ADAMTS12: variants seen among roughly 807,000 people sequenced by gnomAD.
ADAMTS12 encodes ADAM metallopeptidase with thrombospondin type 1 motif 12.
ADAMTS12 carries 118 observed loss-of-function variants against 167.8 expected under a neutral mutation model. The ratio of observed to expected loss-of-function variants is 0.70; its 90% CI spans 0.61 to 0.82. The LOEUF is 0.82. Among genes scored for constraint, ADAMTS12 ranks in the 40% least tolerant of loss-of-function variants. The pLI, the probability that ADAMTS12 is intolerant of heterozygous loss-of-function variation, is 0.00. For missense variants in ADAMTS12, 1,916 were observed against 1,998.8 expected, an observed-to-expected ratio of 0.96 and a Z score of 0.79; for synonymous variants, 704 against 716.9, an observed-to-expected ratio of 0.98 and a Z score of 0.29.
intron 5 of ADAMTS12, among the ~76,000 whole-genome samples, chr5:33,677,416 C>G (rs555714297): frequency 1.3e-5 from 2 of 152,186 alleles, no homozygotes; most frequent in African/African-American, 4.8e-5. Context: ...AACAACCTAC[C>G]AAAATTATAT....
intron 3 of ADAMTS12, among the ~76,000 whole-genome samples, chr5:33,684,977 T>C (rs1189831800): frequency 3.3e-5 from 5 of 152,142 alleles, no homozygotes; most frequent in Non-Finnish European, 5.9e-5. Context: ...GGAAGTCAAG[T>C]GTAAAAAGTT....
chr5:33,776,885 C>T (rs1367586876), intron 2 of ADAMTS12, among the ~76,000 whole-genome samples: 1 of 151,996 alleles, frequency 6.6e-6, no homozygotes, highest in African/African-American at 2.4e-5. Flanking sequence ...TCATAACAGA[C>T]TACTATAAAC....
chr5:33,698,655 A>G (rs917516109), intron 3 of ADAMTS12, among the ~76,000 whole-genome samples: 1 of 77,974 alleles, frequency 1.3e-5, no homozygotes, highest in African/African-American at 4.8e-5. Context: ...GCTTAAGTTA[A>G]GCACAGGTGC....
chr5:33,615,421 T>C (rs1455352051), intron 15 of ADAMTS12, among the ~76,000 whole-genome samples: 2 of 152,230 alleles, frequency 1.3e-5, no homozygotes, highest in Non-Finnish European at 2.9e-5. Flanking sequence ...TGTTGTATTC[T>C]AACTCCTCCT....
intron 10 of ADAMTS12, among the ~76,000 whole-genome samples, chr5:33,642,486 TTAGGAAG>T (rs1243579407): frequency 1.3e-5 from 2 of 152,150 alleles, no homozygotes; most frequent in Non-Finnish European, 2.9e-5. Context: ...ACACTAGCTG[TTAGGAAG>T]TTCTTCATTA....
intron 3 of ADAMTS12, among the ~76,000 whole-genome samples, chr5:33,685,862 C>CATT (rs1297982326): frequency 6.6e-6 from 1 of 152,110 alleles, no homozygotes. Context: ...CCCCCTCCCT[C>CATT]ATTGCCCCAT....
intron 3 of ADAMTS12, among the ~76,000 whole-genome samples, chr5:33,733,635 C>G (rs1744270571): frequency 6.6e-6 from 1 of 152,196 alleles, no homozygotes; most frequent in Non-Finnish European, 1.5e-5. Context: ...GGTCCTTATA[C>G]TCCAAACAAA....
intron 2 of ADAMTS12, among the ~76,000 whole-genome samples, chr5:33,843,055 A>G (rs570379289): frequency 6.6e-6 from 1 of 152,290 alleles, no homozygotes; most frequent in South Asian, 2.1e-4. Flanking sequence ...CCAGACAAAC[A>G]TGGTGCCCTT....
intron 21 of ADAMTS12, among the ~76,000 whole-genome samples, chr5:33,547,989 G>T (rs939045555): frequency 9.2e-5 from 14 of 152,296 alleles, no homozygotes; most frequent in African/African-American, 3.4e-4. Context: ...ATGAAGAGGG[G>T]ACAGTGGTGG....
At chr5:33,612,192 G>A (rs1383793422) in intron 16 of ADAMTS12, among the ~76,000 whole-genome samples, 3 of 152,192 alleles carry the variant, frequency 2.0e-5, no homozygotes, top group African/African-American at 4.8e-5. Flanking sequence ...AAACAGTGTG[G>A]CTGAAGTTCA....
At chr5:33,544,624 A>G (rs1314212591) in intron 22 of ADAMTS12, among the ~76,000 whole-genome samples, 7 of 152,226 alleles carry the variant, frequency 4.6e-5, no homozygotes, top group African/African-American at 1.7e-4. Flanking sequence ...CTACAAGGCT[A>G]CAGTAACCAA....
intron 3 of ADAMTS12, among the ~76,000 whole-genome samples, chr5:33,746,810 G>T (rs1283811490): frequency 6.6e-6 from 1 of 152,186 alleles, no homozygotes; most frequent in African/African-American, 2.4e-5. Flanking sequence ...AATGTAGCAG[G>T]CCTGATTTAA....
Position 33,546,556 on chromosome 5 carries a change from T to A in ADAMTS12, c.4303-354A>T, listed in dbSNP as rs547408999. Among the ~76,000 whole-genome samples the A allele has an allele frequency of 9.8e-5, 15 of 152,348 alleles. No homozygotes were observed. In the South Asian group the frequency reaches 3.1e-3, roughly 32 times the overall value. Reference sequence around the variant, plus strand: ...GGCACACATTTGCAATACAATTTTGTTTGCCTCCTATTAAAATGAGATTTA... The same window carrying A: ...GGCACACATTTGCAATACAATTTTGATTGCCTCCTATTAAAATGAGATTTA... On this transcript the variant is annotated intron_variant, in intron 21 of 23. Transcript: ENST00000504830.
chr5:33,843,256 G>C (rs1301491929), intron 2 of ADAMTS12, among the ~76,000 whole-genome samples: 2 of 152,212 alleles, frequency 1.3e-5, no homozygotes, highest in East Asian at 3.9e-4. Flanking sequence ...GCCCAGGACT[G>C]AGCAAGATGA....
chr5:33,759,703 T>C (rs957865538), intron 2 of ADAMTS12, among the ~76,000 whole-genome samples: 2 of 152,214 alleles, frequency 1.3e-5, no homozygotes, highest in Non-Finnish European at 2.9e-5. Flanking sequence ...AACCCTCTCC[T>C]CACATAAGAC....
rs1244828735 is a variant in ADAMTS12, at chr5:33,549,244, T to G, written c.4265A>C (p.Glu1422Ala). ...PPPLSMSCNP[E>A]PCEAWQVEPW... is the part of the protein sequence containing the mutation. ...CTCCACCTGCCACGCCTCACAGGGC[T>G]CCGGGTTACAGCTCATGCTCAATGG... The change falls in exon 21 of 24, where the codon GAG becomes GCG. Residue 1422 changes from glutamate (E) to alanine (A), a missense_variant. Glu to Ala is a moderately radical substitution (Grantham distance 107). Transcript: ENST00000504830. 1.9e-6 allele frequency: 3 copies of G among 1,614,000 alleles called. No homozygotes were observed. The highest frequency in any genetic ancestry group is 2.5e-6 in the Non-Finnish European group (3 of 1,179,998).
intron 23 of ADAMTS12, among the ~76,000 whole-genome samples, chr5:33,534,580 G>A (rs918788750): frequency 6.6e-6 from 1 of 152,020 alleles, no homozygotes; most frequent in African/African-American, 2.4e-5. Context: ...GGCTTACAGA[G>A]AGAAAATGGT....
chr5:33,739,051 T>G (rs2112367289), intron 3 of ADAMTS12, among the ~76,000 whole-genome samples: 1 of 152,294 alleles, frequency 6.6e-6, no homozygotes, highest in East Asian at 1.9e-4. Flanking sequence ...CTAGTTAGGT[T>G]AAACAAAGAG....
At position 33,850,543 on chromosome 5, in the gene ADAMTS12, G is replaced by T. The variant is rs143217932; in HGVS notation, c.489+30576C>A. Among the ~76,000 whole-genome samples the T allele has an allele frequency of 2.5e-4, 38 of 152,244 alleles. No individual in the cohort carries two copies. The East Asian group carries it at 6.6e-3, about 26-fold the overall frequency. On this transcript the variant is annotated intron_variant, in intron 2 of 23. Coordinates refer to ENST00000504830, the MANE Select transcript of ADAMTS12 (RefSeq NM_030955.4). ...AGCCCAACAGGCTCTCGACACCATA[G>T]GCCTCTCTCATTGCAGCAGCCTTTT...
Sources: gnomAD v4.1 joint callset for allele counts (sites outside exome capture counted in the v4.1 genomes callset) on GRCh38, gnomAD v4.1.1 for gene constraint, MANE v1.5 for transcripts, NCBI Gene and HGNC (gene_info 2026-07-23, HGNC 2026-07-21) for gene names.